SLC17A6: variants seen among roughly 807,000 people sequenced by gnomAD.
The protein encoded by SLC17A6 is vesicular glutamate transporter 2.
Under a neutral mutation model 67.1 loss-of-function variants are expected in SLC17A6, and 35 were observed. The observed-to-expected ratio is 0.52, with a 90% CI of 0.40 to 0.69. The LOEUF is 0.69. Among genes scored for constraint, SLC17A6 ranks in the 30% least tolerant of loss-of-function variants. The pLI is 0.00. For missense variants in SLC17A6, 588 were observed against 723.9 expected (o/e 0.81, Z 2.15); for synonymous variants, 285 against 252.3 (o/e 1.13, Z -1.23).
At chr11:22,343,862 G>C (rs778436107) in intron 3 of SLC17A6, among the ~76,000 whole-genome samples, 5 of 152,126 alleles carry the variant, frequency 3.3e-5, no homozygotes, top group Non-Finnish European at 2.9e-5. Flanking sequence ...TTGTTTCTAG[G>C]GGGGCAGGCA....
chr11:22,360,842 A>G lies in SLC17A6; in HGVS notation c.574-55A>G. On this transcript the variant is annotated intron_variant, in intron 4 of 11. Coordinates refer to ENST00000263160, the MANE Select transcript of SLC17A6 (RefSeq NM_020346.3). ...GCAGGGAGGATTTGTACAGGATACT[A>G]AAAAGACTCTTGATCCTAAATGGTG... 10 of 1,505,792 alleles carry G rather than the reference A, an allele frequency of 6.6e-6. No homozygotes were observed. In the South Asian group the frequency reaches 1.1e-4, roughly 17 times the overall value. The allele number at this position is 1,505,792 out of a possible 1,614,324, so 93.3% of individuals were successfully genotyped here.
At chr11:22,351,712 C>T (rs953305457) in intron 3 of SLC17A6, among the ~76,000 whole-genome samples, 1 of 152,078 alleles carries the variant, frequency 6.6e-6, no homozygotes, top group Admixed American at 6.5e-5. Context: ...TAGGAAAGAA[C>T]TAGCCTGTGG....
chr11:22,362,572 C>A (rs957095079), intron 5 of SLC17A6, among the ~76,000 whole-genome samples, 167 bp from the exon 6 acceptor site: 2 of 152,006 alleles, frequency 1.3e-5, no homozygotes, highest in Non-Finnish European at 2.9e-5. Context: ...TTCCTGTGTA[C>A]GTATGTAGAC....
intron 6 of SLC17A6, among the ~76,000 whole-genome samples, chr11:22,363,215 G>C (rs1308398952): frequency 6.8e-6 from 1 of 147,938 alleles, no homozygotes; most frequent in Non-Finnish European, 1.5e-5. Context: ...AGATTGAATG[G>C]GGGTGGAAAG....
intron 9 of SLC17A6, among the ~76,000 whole-genome samples, chr11:22,375,700 G>A (rs976354670): frequency 6.6e-6 from 1 of 151,972 alleles, no homozygotes; most frequent in Non-Finnish European, 1.5e-5. Flanking sequence ...GACTGGCCTC[G>A]AACTCCTGAC....
intron 3 of SLC17A6, among the ~76,000 whole-genome samples, chr11:22,345,183 T>A (rs1855863116): frequency 6.6e-6 from 1 of 151,672 alleles, no homozygotes; most frequent in Non-Finnish European, 1.5e-5. Context: ...CACTAGGAAG[T>A]CAGTAAACGG....
In SLC17A6 at chr11:22,338,510, G is replaced by A; in HGVS notation, c.-24G>A. On this transcript the variant is annotated 5_prime_UTR_variant, in exon 1 of 12. Coordinates refer to ENST00000263160, the MANE Select transcript of SLC17A6 (RefSeq NM_020346.3). ...AGCAATCACTATTTAAATCTGGCAA[G>A]AACTGACAACAGTCTTTGCAAGAAT... 3 of 1,540,488 alleles carry A rather than the reference G, an allele frequency of 1.9e-6. No individual in the cohort carries two copies. Among genetic ancestry groups the A allele is most frequent in the Non-Finnish European group, 1.8e-6 (2 of 1,113,722 alleles).
intron 1 of SLC17A6, 100 bp downstream of exon 1, chr11:22,338,719 T>A (rs1489855198): frequency 2.3e-6 from 2 of 864,996 alleles, no homozygotes; most frequent in Non-Finnish European, 3.8e-6. Flanking sequence ...TGTAATATGA[T>A]CGGAAAGTCT....
chr11:22,344,218 T>A (rs1855851205), intron 3 of SLC17A6, among the ~76,000 whole-genome samples: 1 of 152,186 alleles, frequency 6.6e-6, no homozygotes, highest in Non-Finnish European at 1.5e-5. Flanking sequence ...GTCTTTCTGC[T>A]TAGATACCGC....
At chr11:22,363,254 G>C (rs539059898) in intron 6 of SLC17A6, among the ~76,000 whole-genome samples, 16 of 151,608 alleles carry the variant, frequency 1.1e-4, no homozygotes, top group Admixed American at 5.3e-4. Flanking sequence ...AGCTGAAAGG[G>C]GGTGGTGGTG....
At chr11:22,339,815 A>G (rs1316340285) in intron 1 of SLC17A6, among the ~76,000 whole-genome samples, 2 of 152,124 alleles carry the variant, frequency 1.3e-5, no homozygotes, top group African/African-American at 4.8e-5. Flanking sequence ...TCCCACAGCT[A>G]CCATGGAAAG....
intron 7 of SLC17A6, among the ~76,000 whole-genome samples, chr11:22,367,654 T>C (rs1856127776): frequency 6.6e-6 from 1 of 152,318 alleles, no homozygotes; most frequent in East Asian, 1.9e-4. Flanking sequence ...TTATGTTCTT[T>C]TATTTGCCAG....
chr11:22,377,677 G>A lies in SLC17A6; in HGVS notation c.1686G>A (p.Glu562=), dbSNP rs756981540. Residue 562 remains glutamate (E), a synonymous_variant, in exon 12 of 12, where the codon GAG becomes GAA. Transcript: ENST00000263160. ...GGCCTAGTGGTTGGGAAAAGAAAGAGGAATTTGTACAAGGAGAAGTACAAG... is the reference window on the plus strand; with the variant it reads ...GGCCTAGTGGTTGGGAAAAGAAAGAAGAATTTGTACAAGGAGAAGTACAAG... The part of the protein sequence containing the change: ...GGWPSGWEKK[E]EFVQGEVQDS... The A allele has an allele frequency of 6.2e-7, 1 of 1,612,838 alleles. No homozygotes were observed. Among genetic ancestry groups the A allele is most frequent in the Non-Finnish European group, 8.5e-7 (1 of 1,179,678 alleles).
intron 1 of SLC17A6, among the ~76,000 whole-genome samples, chr11:22,340,914 C>A (rs1239316867): frequency 6.6e-6 from 1 of 152,164 alleles, no homozygotes; most frequent in Non-Finnish European, 1.5e-5. Flanking sequence ...AGGCCTTAGT[C>A]CAGGGGGTGC....
intron 3 of SLC17A6, among the ~76,000 whole-genome samples, chr11:22,347,887 G>A (rs1412843463): frequency 3.3e-5 from 5 of 152,004 alleles, no homozygotes; most frequent in African/African-American, 4.8e-5. Flanking sequence ...TTCCCCTACC[G>A]TAATCCTTTA....
intron 5 of SLC17A6, among the ~76,000 whole-genome samples, chr11:22,361,587 T>C (rs1007928943): frequency 2.6e-5 from 4 of 152,134 alleles, no homozygotes; most frequent in African/African-American, 7.2e-5. Context: ...TTCCCATTCA[T>C]TGGAACTTTT....
At chr11:22,374,939 C>A in intron 9 of SLC17A6, 52 bp downstream of exon 9, 1 of 1,501,982 alleles carries the variant, frequency 6.7e-7, no homozygotes, top group Non-Finnish European at 8.9e-7. Flanking sequence ...TCAGTTTAAC[C>A]TACATGAGAG....
intron 7 of SLC17A6, among the ~76,000 whole-genome samples, chr11:22,366,186 G>T (rs1463038107): frequency 6.6e-6 from 1 of 151,914 alleles, no homozygotes; most frequent in Non-Finnish European, 1.5e-5. Flanking sequence ...TATAAATTGG[G>T]TATAGTAAGT....
intron 3 of SLC17A6, among the ~76,000 whole-genome samples, chr11:22,351,390 A>G (rs917970696): frequency 6.6e-5 from 10 of 151,968 alleles, no homozygotes; most frequent in South Asian, 4.1e-4. Context: ...CACCACCCCA[A>G]GCACTCTCAC....
Sources: gnomAD v4.1 joint callset for allele counts (sites outside exome capture counted in the v4.1 genomes callset) on GRCh38, gnomAD v4.1.1 for gene constraint, MANE v1.5 for transcripts, NCBI Gene and HGNC (gene_info 2026-07-23, HGNC 2026-07-21) for gene names.